The following KLHL1 variants were observed in gnomAD, a reference collection of about 807,000 sequenced individuals.
KLHL1 encodes the protein kelch like family member 1.
A neutral mutation model predicts 77.7 loss-of-function variants in KLHL1; 47 were observed. That is an observed-to-expected ratio of 0.60 (90% CI 0.48 to 0.77). The LOEUF is 0.77. Among genes scored for constraint, KLHL1 ranks in the 30% least tolerant of loss-of-function variants. The pLI is 0.00. For synonymous variants in KLHL1, 360 were observed against 325.2 expected (o/e 1.11, Z -1.15); for missense variants, 925 against 910.8 (o/e 1.02, Z -0.20).
At chr13:69,746,719 T>C (rs1439195345) in intron 7 of KLHL1, among the ~76,000 whole-genome samples, 2 of 151,954 alleles carry the variant, frequency 1.3e-5, no homozygotes, top group Non-Finnish European at 2.9e-5. Context: ...ACGCAAATGA[T>C]TGAGTTTGTC....
At chr13:69,914,979 C>T (rs1241175120) in intron 4 of KLHL1, among the ~76,000 whole-genome samples, 6 of 152,206 alleles carry the variant, frequency 3.9e-5, no homozygotes, top group African/African-American at 1.2e-4. Context: ...CACTTTTTGG[C>T]CCTCAGAATG....
chr13:69,781,029 C>A (rs915319501), intron 7 of KLHL1, among the ~76,000 whole-genome samples: 2 of 151,522 alleles, frequency 1.3e-5, no homozygotes, highest in African/African-American at 4.8e-5. Flanking sequence ...ATATATCAGA[C>A]CAGAAGTAGA....
chr13:69,932,262 G>A (rs906506719), intron 4 of KLHL1, among the ~76,000 whole-genome samples: 1 of 151,224 alleles, frequency 6.6e-6, no homozygotes, highest in African/African-American at 2.4e-5. Flanking sequence ...GTTCATGATA[G>A]GCAAATTATT....
chr13:70,028,746 G>A lies in KLHL1; in HGVS notation c.498-52944C>T, dbSNP rs190949174. On this transcript the variant is annotated intron_variant, in intron 1 of 10. Transcript: ENST00000377844. Reference sequence around the variant, plus strand: ...AATCCCAGCAGTTTGAGAGGCCGAAGCAGGTGAATTGCTTGAGCCCAGGAG... The same window carrying A: ...AATCCCAGCAGTTTGAGAGGCCGAAACAGGTGAATTGCTTGAGCCCAGGAG... Among the ~76,000 whole-genome samples, 18 of 152,230 alleles carry A rather than the reference G, an allele frequency of 1.2e-4. No individual in the cohort carries two copies. In the East Asian group the frequency reaches 3.5e-3, roughly 29 times the overall value.
At chr13:69,776,980 C>T (rs1446858455) in intron 7 of KLHL1, among the ~76,000 whole-genome samples, 1 of 151,990 alleles carries the variant, frequency 6.6e-6, no homozygotes, top group African/African-American at 2.4e-5. Flanking sequence ...CCACCCAAAT[C>T]TCATCTTGAA....
intron 7 of KLHL1, among the ~76,000 whole-genome samples, chr13:69,783,582 G>GAAGATGAAATGAATAA (rs1205576600): frequency 2.8e-4 from 42 of 151,900 alleles, no homozygotes; most frequent in African/African-American, 9.9e-4. Flanking sequence ...ATCAGTGATG[G>GAAGATGAAATGAATAA]AAGATGAAAT....
At chr13:69,884,982 G>A (rs1274721811) in intron 4 of KLHL1, among the ~76,000 whole-genome samples, 4 of 127,860 alleles carry the variant, frequency 3.1e-5, no homozygotes, top group Admixed American at 3.0e-4. Context: ...CGCCCAGGCC[G>A]GACTGCGGAC....
intron 6 of KLHL1, among the ~76,000 whole-genome samples, chr13:69,813,396 C>T (rs896239070): frequency 6.6e-6 from 1 of 151,582 alleles, no homozygotes; most frequent in African/African-American, 2.4e-5. Flanking sequence ...ATGGGTACAG[C>T]ACACCAACAT....
intron 4 of KLHL1, among the ~76,000 whole-genome samples, chr13:69,913,169 A>G (rs1011723601): frequency 1.3e-5 from 2 of 151,844 alleles, no homozygotes; most frequent in East Asian, 1.9e-4. Flanking sequence ...TTTGTTTTTC[A>G]TGTCGTCAAC....
intron 6 of KLHL1, among the ~76,000 whole-genome samples, chr13:69,805,827 A>G (rs1877594172): frequency 6.6e-6 from 1 of 151,482 alleles, no homozygotes; most frequent in African/African-American, 2.4e-5. Context: ...CATTTAATAT[A>G]TTAATAATGA....
At chr13:70,090,441 G>A (rs1887644955) in intron 1 of KLHL1, among the ~76,000 whole-genome samples, 1 of 151,482 alleles carries the variant, frequency 6.6e-6, no homozygotes, top group Non-Finnish European at 1.5e-5. Flanking sequence ...CTCTCTTAAA[G>A]CTAACTCAGA....
At chr13:69,793,231 GA>G (rs1194648520) in intron 7 of KLHL1, among the ~76,000 whole-genome samples, 2 of 151,858 alleles carry the variant, frequency 1.3e-5, no homozygotes, top group African/African-American at 4.8e-5. Context: ...AAAATATTAT[GA>G]AAAAAGATAA....
At chr13:69,782,410 A>T (rs1480874723) in intron 7 of KLHL1, among the ~76,000 whole-genome samples, 1 of 152,198 alleles carries the variant, frequency 6.6e-6, no homozygotes, top group Non-Finnish European at 1.5e-5. Context: ...TCCCTTTCCT[A>T]GTCAAAGAAA....
chr13:70,049,623 C>T (rs967158487), intron 1 of KLHL1, among the ~76,000 whole-genome samples: 1 of 152,042 alleles, frequency 6.6e-6, no homozygotes, highest in Non-Finnish European at 1.5e-5. Context: ...TTTATTTACA[C>T]AGATTTTATA....
chr13:69,912,086 T>G (rs1275393257), intron 4 of KLHL1, among the ~76,000 whole-genome samples: 3 of 152,122 alleles, frequency 2.0e-5, no homozygotes, highest in Non-Finnish European at 4.4e-5. Context: ...GTGAAATTGC[T>G]CTTTGGAAAT....
chr13:70,014,022 G>A (rs777470680), intron 1 of KLHL1, among the ~76,000 whole-genome samples: 6 of 151,928 alleles, frequency 3.9e-5, no homozygotes, highest in Admixed American at 1.3e-4. Flanking sequence ...ACAAATTTGA[G>A]GACAGAGAAA....
intron 5 of KLHL1, among the ~76,000 whole-genome samples, chr13:69,846,348 G>A (rs928742150): frequency 2.0e-5 from 3 of 151,360 alleles, no homozygotes; most frequent in Non-Finnish European, 4.4e-5. Flanking sequence ...AGTAGCTTCA[G>A]AATCAAACAT....
intron 6 of KLHL1, among the ~76,000 whole-genome samples, chr13:69,829,754 A>C (rs1266710262): frequency 6.7e-6 from 1 of 150,350 alleles, no homozygotes; most frequent in Non-Finnish European, 1.5e-5. Flanking sequence ...CAGATGTCTC[A>C]ACAGAAACCC....
At chr13:69,911,960 C>A (rs960978807) in intron 4 of KLHL1, among the ~76,000 whole-genome samples, 1 of 152,104 alleles carries the variant, frequency 6.6e-6, no homozygotes, top group South Asian at 2.1e-4. Flanking sequence ...AAAACTGGGG[C>A]AATCTGAAGT....
Sources: allele counts gnomAD v4.1 joint callset (sites outside exome capture counted in the v4.1 genomes callset), GRCh38; gene constraint gnomAD v4.1.1; transcripts MANE v1.5; gene names NCBI Gene and HGNC (gene_info 2026-07-23, HGNC 2026-07-21).